Variants in ANKHD1 observed in about 807,000 individuals in gnomAD.
The protein encoded by ANKHD1 is ankyrin repeat and KH domain-containing protein 1.
ANKHD1 carries 31 observed loss-of-function variants against 230.5 expected under a neutral mutation model. The ratio of observed to expected loss-of-function variants is 0.13; its 90% CI spans 0.10 to 0.18. The LOEUF (loss-of-function observed/expected upper bound fraction) is 0.18. Among genes scored for constraint, ANKHD1 ranks in the 10% least tolerant of loss-of-function variants. The pLI, the probability that ANKHD1 is intolerant of heterozygous loss-of-function variation, is 1.00. For synonymous variants in ANKHD1, 1,074 were observed against 1,117.6 expected (o/e 0.96, Z 0.78); for missense variants, 2,256 against 3,071.3 (o/e 0.73, Z 6.27).
chr5:140,436,129 A>G lies in ANKHD1; in HGVS notation c.332A>G (p.Glu111Gly), dbSNP rs1433539729. ...GTTGAATCATTTATTTTGGACCAAG[A>G]AGATCTGGATAACCCAGTGCTTAAA... ...SEVESFILDQEDLDNPVLKTT... is the reference protein window; with the variant it reads ...SEVESFILDQGDLDNPVLKTT... The change falls in exon 2 of 34, where the codon GAA becomes GGA. Residue 111 changes from glutamate to glycine, a missense_variant. Physicochemically the swap from Glu to Gly is moderately conservative, Grantham distance 98 (BLOSUM62 -2). Around this residue, in one of 13 missense-constraint regions of ANKHD1, gnomAD observed 193 missense variants for 185.8 expected, o/e 1.04. Transcript: ENST00000360839. 6.4e-7 allele frequency: 1 copy of G among 1,571,864 alleles called. No individual in the cohort carries two copies. Among genetic ancestry groups the G allele is most frequent in the Non-Finnish European group, 8.6e-7 (1 of 1,163,074 alleles).
chr5:140,449,896 A>T (rs550934090), intron 7 of ANKHD1, among the ~76,000 whole-genome samples: 1 of 152,266 alleles, frequency 6.6e-6, no homozygotes, highest in South Asian at 2.1e-4. Context: ...AAATATATTG[A>T]CTCAAACTGT....
chr5:140,438,540 T>C lies in ANKHD1; in HGVS notation c.540T>C (p.Ser180=), dbSNP rs1226364623. Residue 180 remains serine (S), a synonymous_variant, in exon 3 of 34, where the codon AGT becomes AGC. Transcript: ENST00000360839. The part of the protein sequence containing the change: ...EVLRRLTSSV[S]CALDEAAAAL... ...TCCGGAGACTGACATCCTCAGTTAG[T>C]TGTGCACTGGATGAAGCTGCTGCTG... 1 of 1,613,624 alleles carries C rather than the reference T, an allele frequency of 6.2e-7. No individual in the cohort carries two copies. The highest frequency in any genetic ancestry group is 8.5e-7 in the Non-Finnish European group (1 of 1,179,690).
rs182404531 is a variant in ANKHD1, at chr5:140,406,249, A to T, written c.306+3976A>T. Among the ~76,000 whole-genome samples the T allele has an allele frequency of 1.0e-3, 158 of 152,152 alleles. 1 individual carries two copies. In the Middle Eastern group the frequency reaches 0.014, roughly 13 times the overall value. ...AGAGACTCTGTCTCAAAAAAAAAAAAAAATAAATTATTTTAGAAACAAGTA... is the reference window on the plus strand; with the variant it reads ...AGAGACTCTGTCTCAAAAAAAAAAATAAATAAATTATTTTAGAAACAAGTA... On this transcript the variant is annotated intron_variant, in intron 1 of 33. Coordinates refer to ENST00000360839, the MANE Select transcript of ANKHD1 (RefSeq NM_017747.3).
intron 3 of ANKHD1, among the ~76,000 whole-genome samples, chr5:140,439,023 G>GGCA (rs1773656043): frequency 6.6e-6 from 1 of 152,156 alleles, no homozygotes; most frequent in South Asian, 2.1e-4. Context: ...TCCATGGACT[G>GGCA]GCAGTATCAG....
At chr5:140,427,452 C>T (rs1772574610) in intron 1 of ANKHD1, among the ~76,000 whole-genome samples, 3 of 119,474 alleles carry the variant, frequency 2.5e-5, no homozygotes, top group Admixed American at 1.7e-4. Context: ...CCGGACGGGG[C>T]GGCTGGCCGG....
chr5:140,485,941 T>C lies in ANKHD1; in HGVS notation c.2142+209T>C. On this transcript the variant is annotated intron_variant, in intron 13 of 33. Coordinates refer to ENST00000360839, the MANE Select transcript of ANKHD1 (RefSeq NM_017747.3). This position sits in a 1 kb window ranked among gnomAD's most constrained non-coding sequence, Gnocchi z 4.8. Reference sequence around the variant, plus strand: ...CTTATTTATTGAGAATAGTGGTTTTTAAAAACCACTTAATATCAAATATAA... The same window carrying C: ...CTTATTTATTGAGAATAGTGGTTTTCAAAAACCACTTAATATCAAATATAA... The C allele has an allele frequency of 1.6e-6, 1 of 634,306 alleles. No individual in the cohort carries two copies. The highest frequency in any genetic ancestry group is 2.5e-6 in the Non-Finnish European group (1 of 403,316). 39.3% of individuals were successfully genotyped at this position (634,306 alleles called of 1,614,324 possible).
intron 24 of ANKHD1, among the ~76,000 whole-genome samples, chr5:140,519,288 C>G (rs1430334625): frequency 6.6e-6 from 1 of 152,294 alleles, no homozygotes; most frequent in South Asian, 2.1e-4. Context: ...AGGATACAAA[C>G]AAATGGAAGA....
intron 24 of ANKHD1, among the ~76,000 whole-genome samples, chr5:140,519,464 C>T (rs987084028): frequency 1.8e-4 from 28 of 152,254 alleles, no homozygotes; most frequent in African/African-American, 3.8e-4. Flanking sequence ...GAGCCCACAT[C>T]GCCAAGTCAG....
At chr5:140,493,765 T>C (rs1337155970) in intron 14 of ANKHD1, among the ~76,000 whole-genome samples, 3 of 152,360 alleles carry the variant, frequency 2.0e-5, no homozygotes, top group Non-Finnish European at 4.4e-5. Context: ...TCTGGGCTTA[T>C]AGTTTGTCTA....
At chr5:140,449,405 C>T (rs2126941039) in intron 7 of ANKHD1, 100 bp downstream of exon 7, 2 of 1,355,574 alleles carry the variant, frequency 1.5e-6, no homozygotes, top group Non-Finnish European at 1.0e-6. Flanking sequence ...TGGCTCACGC[C>T]TGTAATCCCA....
intron 2 of ANKHD1, 108 bp downstream of exon 2, chr5:140,436,365 C>T: frequency 8.1e-7 from 1 of 1,234,356 alleles, no homozygotes; most frequent in Non-Finnish European, 1.0e-6. Flanking sequence ...AATTTAAAAT[C>T]TCTAAAATTT....
At chr5:140,502,366 T>G (rs1290472452) in intron 15 of ANKHD1, among the ~76,000 whole-genome samples, 1 of 152,200 alleles carries the variant, frequency 6.6e-6, no homozygotes, top group Non-Finnish European at 1.5e-5. Context: ...AGTACAAAAA[T>G]GTTTAGTAAT....
At chr5:140,404,967 CTGTGTGTGTGTGTGTGTGTG>C (rs35692572) in intron 1 of ANKHD1, among the ~76,000 whole-genome samples, 26 of 134,832 alleles carry the variant, frequency 1.9e-4, no homozygotes, top group Non-Finnish European at 2.9e-4. Flanking sequence ...CTGTGCATGT[CTGTGTGTGTGTGTGTGTGTG>C]TGTGTGTGTG....
chr5:140,477,701 C>T (rs758945364), intron 10 of ANKHD1, among the ~76,000 whole-genome samples: 6 of 152,154 alleles, frequency 3.9e-5, no homozygotes, highest in East Asian at 1.9e-4. Flanking sequence ...AACCTCCACC[C>T]ACCGGGTTCA....
At chr5:140,496,482 T>TTTTG in intron 14 of ANKHD1, 38 bp from the exon 15 acceptor site, 5 of 1,036,338 alleles carry the variant, frequency 4.8e-6, no homozygotes, top group Non-Finnish European at 6.4e-6. Context: ...TTTTTTTTTT[T>TTTTG]AGCATGGCAC....
intron 22 of ANKHD1, 135 bp downstream of exon 22, chr5:140,510,316 T>C: frequency 2.0e-4 from 256 of 1,265,430 alleles, no homozygotes; most frequent in Admixed American, 3.9e-4. Flanking sequence ...ATTCTTTTTT[T>C]TTTTTTTTTT....
intron 15 of ANKHD1, among the ~76,000 whole-genome samples, chr5:140,500,858 TA>T (rs1170277780): frequency 6.6e-6 from 1 of 151,896 alleles, no homozygotes; most frequent in African/African-American, 2.4e-5. Flanking sequence ...CCCTTATTTT[TA>T]TATTAAGATT....
Position 140,497,186 on chromosome 5 carries a change from A to G in ANKHD1, c.2912A>G (p.His971Arg). The change falls in exon 15 of 34, where the codon CAT becomes CGT. Residue 971 changes from histidine to arginine, a missense_variant. Physicochemically the swap from His to Arg is conservative, Grantham distance 29. Transcript: ENST00000360839. The stretch of plus-strand genomic sequence containing the variant: ...CAGCCTCAGATTGCTATTACTGGAC[A>G]TGATCAGGGGCTGTTAGTTCAAGAA... ...VGQPQIAITG[H>R]DQGLLVQEPD... The G allele has an allele frequency of 3.1e-6, 5 of 1,613,622 alleles. No individual in the cohort carries two copies. The highest frequency in any genetic ancestry group is 4.2e-6 in the Non-Finnish European group (5 of 1,180,022).
At chr5:140,516,471 C>A (rs931667276) in intron 24 of ANKHD1, among the ~76,000 whole-genome samples, 66 of 152,162 alleles carry the variant, frequency 4.3e-4, no homozygotes, top group African/African-American at 1.6e-3. Context: ...TCGAGAAGAG[C>A]GACTCCAAGA....
Sources: gnomAD v4.1 joint callset for allele counts (sites outside exome capture counted in the v4.1 genomes callset) on GRCh38, gnomAD v4.1.1 for gene constraint, gnomAD v4.1.1 regional missense constraint, Gnocchi (gnomAD v3.1) non-coding constraint, MANE v1.5 for transcripts, NCBI Gene and HGNC (gene_info 2026-07-23, HGNC 2026-07-21) for gene names.